The following GOLGA1 variants were observed in gnomAD, a reference collection of about 807,000 sequenced individuals.
The protein encoded by GOLGA1 is golgin A1.
A neutral mutation model predicts 119.7 loss-of-function variants in GOLGA1; 63 were observed. The observed-to-expected ratio is 0.53, with a 90% CI of 0.43 to 0.65. GOLGA1 has a LOEUF of 0.65. GOLGA1 is among the 30% of genes least tolerant of loss of function. GOLGA1 has a pLI of 0.00. For missense variants in GOLGA1, 798 were observed against 912.8 expected (o/e 0.87, Z 1.62); for synonymous variants, 318 against 333.4 (o/e 0.95, Z 0.50).
chr9:124,880,419 G>T lies in GOLGA1; in HGVS notation c.*111C>A. On this transcript the variant is annotated 3_prime_UTR_variant, in exon 23 of 23. Coordinates refer to ENST00000373555, the MANE Select transcript of GOLGA1 (RefSeq NM_002077.4). The stretch of plus-strand genomic sequence containing the variant: ...TCTTGTAAACAATGTTTAGACACTT[G>T]TACAAAATACTGCAGTTACAGTGAT... 1 of 698,190 alleles carries T rather than the reference G, an allele frequency of 1.4e-6. No homozygotes were observed. The highest frequency in any genetic ancestry group is 2.7e-6 in the Non-Finnish European group (1 of 370,034). The allele number at this position is 698,190 out of a possible 1,614,324, so 43.2% of individuals were successfully genotyped here. A position where few individuals can be genotyped will look rare whatever the true frequency, so the allele number is the denominator to read the frequency against.
intron 10 of GOLGA1, among the ~76,000 whole-genome samples, chr9:124,913,391 C>T (rs1436721213): frequency 6.6e-6 from 1 of 152,172 alleles, no homozygotes; most frequent in Non-Finnish European, 1.5e-5. Context: ...TGTAGGGCAA[C>T]AAAATCTCAC....
chr9:124,900,297 C>T (rs1207045912), intron 13 of GOLGA1, 155 bp downstream of exon 13: 3 of 519,346 alleles, frequency 5.8e-6, no homozygotes, highest in Non-Finnish European at 1.1e-5. Context: ...CCCTCCACCC[C>T]CTGCTGCTGG....
Position 124,923,101 on chromosome 9 carries a change from C to T in GOLGA1, c.555G>A (p.Lys185=). The part of the protein sequence containing the change: ...GFQQQELSKI[K]HMLLKKEESL... ...CTAAAACAAAAATGCATACCATGTG[C>T]TTTATTTTACTTAGTTCCTGCTGCT... is the stretch of plus-strand genomic sequence containing the variant. Residue 185 remains lysine, a synonymous_variant, in exon 8 of 23, where the codon AAG becomes AAA. Transcript: ENST00000373555. 1 of 1,605,356 alleles carries T rather than the reference C, an allele frequency of 6.2e-7. No homozygotes were observed.
At chr9:124,901,331 C>T (rs1328992137) in intron 12 of GOLGA1, among the ~76,000 whole-genome samples, 1 of 147,184 alleles carries the variant, frequency 6.8e-6, no homozygotes, top group Non-Finnish European at 1.5e-5. Flanking sequence ...AGTGCAGTGG[C>T]GTGATCTCAG....
chr9:124,892,944 A>AG (rs1170004237), intron 15 of GOLGA1, among the ~76,000 whole-genome samples: 1 of 151,976 alleles, frequency 6.6e-6, no homozygotes, highest in Non-Finnish European at 1.5e-5. Flanking sequence ...AAAAAAAAAA[A>AG]AAAGAAAGTG....
chr9:124,940,519 C>T (rs1241721483), intron 1 of GOLGA1, among the ~76,000 whole-genome samples: 1 of 152,196 alleles, frequency 6.6e-6, no homozygotes, highest in East Asian at 1.9e-4. Context: ...TTTACCCGGC[C>T]AGACCCTGGG....
At chr9:124,921,374 G>A (rs373992395) in intron 9 of GOLGA1, 134 bp from the exon 10 acceptor site, 140 of 656,418 alleles carry the variant, frequency 2.1e-4, no homozygotes, top group Non-Finnish European at 3.2e-4. Flanking sequence ...GGTTTTCAAC[G>A]GAAAAAGCCT....
intron 7 of GOLGA1, 72 bp downstream of exon 7, chr9:124,926,637 A>G: frequency 2.2e-6 from 2 of 902,928 alleles, no homozygotes; most frequent in Non-Finnish European, 3.8e-6. Context: ...TATGTTGGTT[A>G]CCGGATAAAA....
chr9:124,920,928 T>C (rs1588087386), intron 10 of GOLGA1, among the ~76,000 whole-genome samples: 1 of 149,406 alleles, frequency 6.7e-6, no homozygotes. Context: ...GACAGGAAAA[T>C]ACTGACTACT....
intron 2 of GOLGA1, among the ~76,000 whole-genome samples, chr9:124,939,586 G>T (rs1830958470): frequency 1.2e-5 from 1 of 82,856 alleles, no homozygotes; most frequent in Non-Finnish European, 2.2e-5. Flanking sequence ...TTTTGAGATG[G>T]AGTTTCGCTC....
intron 10 of GOLGA1, among the ~76,000 whole-genome samples, chr9:124,913,514 G>C (rs187585952): frequency 5.9e-5 from 9 of 152,266 alleles, no homozygotes; most frequent in African/African-American, 1.9e-4. Flanking sequence ...TAACTTGGCC[G>C]ATCTCTCCTC....
chr9:124,923,130 A>T lies in GOLGA1; in HGVS notation c.526T>A (p.Phe176Ile). The T allele has an allele frequency of 6.2e-7, 1 of 1,609,674 alleles. No homozygotes were observed. The highest frequency in any genetic ancestry group is 8.5e-7 in the Non-Finnish European group (1 of 1,177,324). ...RRDEMDELEGFQQQELSKIKH... is the reference protein window; with the variant it reads ...RRDEMDELEGIQQQELSKIKH... ...ATTTTACTTAGTTCCTGCTGCTGGA[A>T]CCCCTCTAATTCATCCATTTCATCT... Residue 176 changes from phenylalanine (F) to isoleucine (I), a missense_variant, in exon 8 of 23, where the codon TTC becomes ATC. By Grantham distance (21) the Phe-to-Ile change is conservative (BLOSUM62 0). Coordinates refer to ENST00000373555, the MANE Select transcript of GOLGA1 (RefSeq NM_002077.4).
intron 19 of GOLGA1, among the ~76,000 whole-genome samples, chr9:124,885,950 G>A (rs1162957120): frequency 6.6e-6 from 1 of 152,224 alleles, no homozygotes; most frequent in Non-Finnish European, 1.5e-5. Context: ...GCGATGTGAA[G>A]TGGTGGATTC....
chr9:124,899,343 C>G lies in GOLGA1; in HGVS notation c.1297G>C (p.Ala433Pro). ...ERTRAADQTT[A>P]EQGMRQLEQE... Reference sequence around the variant, plus strand: ...TCTTCACTCACCATCCCTTGCTCTGCGGTGGTCTGGTCAGCTGCCCGCGTT... The same window carrying G: ...TCTTCACTCACCATCCCTTGCTCTGGGGTGGTCTGGTCAGCTGCCCGCGTT... Residue 433 changes from alanine to proline, a missense_variant, in exon 14 of 23, where the codon GCA becomes CCA. Physicochemically the swap from Ala to Pro is conservative, Grantham distance 27. Coordinates refer to ENST00000373555, the MANE Select transcript of GOLGA1 (RefSeq NM_002077.4). The G allele has an allele frequency of 6.5e-7, 1 of 1,548,918 alleles. No individual in the cohort carries two copies. The highest frequency in any genetic ancestry group is 8.7e-7 in the Non-Finnish European group (1 of 1,146,614).
intron 7 of GOLGA1, 81 bp downstream of exon 7, chr9:124,926,628 A>AT (rs1274387875): frequency 1.2e-6 from 1 of 857,256 alleles, no homozygotes; most frequent in African/African-American, 1.7e-5. Context: ...AGCAATCAGT[A>AT]TGTTGGTTAC....
At chr9:124,913,523 T>A (rs1489960233) in intron 10 of GOLGA1, among the ~76,000 whole-genome samples, 2 of 152,216 alleles carry the variant, frequency 1.3e-5, no homozygotes, top group Non-Finnish European at 2.9e-5. Flanking sequence ...CGATCTCTCC[T>A]CAGGATAAGA....
Position 124,938,832 on chromosome 9 carries a change from T to A in GOLGA1, c.-121A>T. The stretch of plus-strand genomic sequence containing the variant: ...CATCCAAGCTAGCTGCATTCCCACT[T>A]AAATGTGGGCCAAGGGCTTATGGCA... On this transcript the variant is annotated 5_prime_UTR_variant, in exon 3 of 23. Transcript: ENST00000373555. 1.4e-6 allele frequency: 1 copy of A among 727,274 alleles called. No homozygotes were observed. Among genetic ancestry groups the A allele is most frequent in the Non-Finnish European group, 2.2e-6 (1 of 452,636 alleles). The allele number at this position is 727,274 out of a possible 1,614,324, so 45.1% of individuals were successfully genotyped here.
At chr9:124,902,649 C>T (rs1314772236) in intron 12 of GOLGA1, among the ~76,000 whole-genome samples, 2 of 151,514 alleles carry the variant, frequency 1.3e-5, no homozygotes, top group Non-Finnish European at 2.9e-5. Context: ...GCCACCATGC[C>T]CAGCTAATTT....
Position 124,881,956 on chromosome 9 carries a change from T to C in GOLGA1, c.1966-2A>G. 1.9e-6 allele frequency: 3 copies of C among 1,596,516 alleles called. No individual in the cohort carries two copies. The highest frequency in any genetic ancestry group is 2.6e-6 in the Non-Finnish European group (3 of 1,172,324). On this transcript the variant is annotated splice_acceptor_variant, in intron 20 of 22. Coordinates refer to ENST00000373555, the MANE Select transcript of GOLGA1 (RefSeq NM_002077.4). LOFTEE classifies it high-confidence loss of function. The surrounding 1 kb of genome is among the most constrained non-coding windows in gnomAD (Gnocchi z 4.9). ...GAGCTCATTATCGGGTCTGATTTTC[T>C]GAAAAACCAGTGGGAAAGATGCTAC...
Sources: gnomAD v4.1 joint callset for allele counts (sites outside exome capture counted in the v4.1 genomes callset) on GRCh38, gnomAD v4.1.1 for gene constraint, Gnocchi (gnomAD v3.1) non-coding constraint, MANE v1.5 for transcripts, NCBI Gene and HGNC (gene_info 2026-07-23, HGNC 2026-07-21) for gene names.